ANKFN1: variants seen among roughly 807,000 people sequenced by gnomAD.
The protein encoded by ANKFN1 is ankyrin repeat and fibronectin type III domain containing 1.
ANKFN1 carries 74 observed loss-of-function variants against 108.7 expected under a neutral mutation model. That is an observed-to-expected ratio of 0.68 (90% CI 0.56 to 0.83). The LOEUF (loss-of-function observed/expected upper bound fraction) is 0.83, where lower values mean the gene tolerates loss of function less well. Ranked by LOEUF, ANKFN1 falls within the 40% of genes least tolerant of loss-of-function variation. The pLI, the probability that ANKFN1 is intolerant of heterozygous loss-of-function variation, is 0.00. For synonymous variants in ANKFN1, 547 were observed against 516.2 expected, an observed-to-expected ratio of 1.06 and a Z score of -0.81; for missense variants, 1,505 against 1,382.3, an observed-to-expected ratio of 1.09 and a Z score of -1.41.
intron 8 of ANKFN1, among the ~76,000 whole-genome samples, chr17:56,410,089 ATTG>A (rs1215725495): frequency 6.6e-6 from 1 of 152,092 alleles, no homozygotes; most frequent in African/African-American, 2.4e-5. Flanking sequence ...TTAATTTTAT[ATTG>A]TTGTATTTTT....
chr17:56,182,534 C>A (rs909723030), intron 1 of ANKFN1, among the ~76,000 whole-genome samples: 1 of 152,100 alleles, frequency 6.6e-6, no homozygotes, highest in Non-Finnish European at 1.5e-5. Flanking sequence ...GGAGAGGTGA[C>A]AAAGCTGCAG....
At chr17:56,107,316 G>A (rs1045936457) in intron 4 of ANKFN1, among the ~76,000 whole-genome samples, 4 of 152,050 alleles carry the variant, frequency 2.6e-5, no homozygotes, top group African/African-American at 9.7e-5. Flanking sequence ...TAGCTTGGTG[G>A]TTTTAGATCT....
At chr17:56,139,253 G>A (rs1331892015) in intron 4 of ANKFN1, among the ~76,000 whole-genome samples, 1 of 151,936 alleles carries the variant, frequency 6.6e-6, no homozygotes, top group East Asian at 1.9e-4. Context: ...TGTTCACTAA[G>A]AACAAATCAT....
chr17:56,252,088 T>C (rs1355242359), intron 3 of ANKFN1: 1 of 152,256 alleles, frequency 6.6e-6, no homozygotes, highest in African/African-American at 2.4e-5. Flanking sequence ...GATCATAAGC[T>C]AGCTTCCATT....
intron 4 of ANKFN1, among the ~76,000 whole-genome samples, chr17:56,073,244 G>A (rs1905142614): frequency 6.6e-6 from 1 of 152,056 alleles, no homozygotes; most frequent in South Asian, 2.1e-4. Context: ...CGCCCGCCTC[G>A]GCCTCCCAAA....
chr17:56,457,360 A>G lies in ANKFN1; in HGVS notation c.1411A>G (p.Ile471Val). 1.9e-6 allele frequency: 3 copies of G among 1,599,476 alleles called. No individual in the cohort carries two copies. Among genetic ancestry groups the G allele is most frequent in the Non-Finnish European group, 2.5e-6 (3 of 1,176,674 alleles). ...VEIDDSHTSS[I>V]TQDFLWFTKL... ...AATAGATGACTCTCACACCAGTTCTATTACACAAGATTTTCTGTGGTTCAC... is the reference window on the plus strand; with the variant it reads ...AATAGATGACTCTCACACCAGTTCTGTTACACAAGATTTTCTGTGGTTCAC... The change falls in exon 13 of 21, where the codon ATT (isoleucine) becomes GTT (valine). Residue 471 changes from isoleucine (I) to valine (V), a missense_variant. By Grantham distance (29) the Ile-to-Val change is conservative. Coordinates refer to ENST00000682825, the MANE Select transcript of ANKFN1 (RefSeq NM_001370326.1).
chr17:56,194,154 A>G (rs763639619), intron 1 of ANKFN1, among the ~76,000 whole-genome samples: 35 of 152,124 alleles, frequency 2.3e-4, no homozygotes, highest in Non-Finnish European at 4.3e-4. Context: ...AGCAATAGGA[A>G]CTCTATTCAT....
At chr17:56,257,212 G>A (rs2043379898) in intron 3 of ANKFN1, among the ~76,000 whole-genome samples, 1 of 152,168 alleles carries the variant, frequency 6.6e-6, no homozygotes, top group Non-Finnish European at 1.5e-5. Flanking sequence ...TGATGATAAT[G>A]CAGTGGTACT....
chr17:56,486,530 A>G (rs1222928644), intron 18 of ANKFN1, among the ~76,000 whole-genome samples: 3 of 152,334 alleles, frequency 2.0e-5, no homozygotes, highest in Admixed American at 2.0e-4. Flanking sequence ...TACTTCCTCC[A>G]TCAGGCATCT....
chr17:56,509,240 C>A (rs1336770175), intron 20 of ANKFN1, among the ~76,000 whole-genome samples: 1 of 152,186 alleles, frequency 6.6e-6, no homozygotes, highest in African/African-American at 2.4e-5. Context: ...ATGTCATAAA[C>A]ACAAGATACT....
intron 1 of ANKFN1, among the ~76,000 whole-genome samples, chr17:56,180,803 A>G (rs1027401679): frequency 1.3e-5 from 2 of 152,218 alleles, no homozygotes; most frequent in Middle Eastern, 3.2e-3. Context: ...TTGATTATCT[A>G]TATTTATAGT....
chr17:56,402,535 TCTC>T (rs2047793344), intron 8 of ANKFN1, among the ~76,000 whole-genome samples: 1 of 152,196 alleles, frequency 6.6e-6, no homozygotes, highest in Non-Finnish European at 1.5e-5. Context: ...AGTTGTAATA[TCTC>T]CTGTTTTGTT....
At position 56,280,927 on chromosome 17, in the gene ANKFN1, T is replaced by C. The variant is rs1598347135; in HGVS notation, c.54-45294T>C. Among the ~76,000 whole-genome samples, 5 of 152,168 alleles carry C rather than the reference T, an allele frequency of 3.3e-5. No homozygotes were observed. In the South Asian group the frequency reaches 1.0e-3, roughly 32 times the overall value. ...GGTCTTTCTCATGCTGTTTTCATAA[T>C]AGTGAATAAGTCTCATGAGATCTGA... is the stretch of plus-strand genomic sequence containing the variant. On this transcript the variant is annotated intron_variant, in intron 3 of 20. Coordinates refer to ENST00000682825, the MANE Select transcript of ANKFN1 (RefSeq NM_001370326.1).
intron 4 of ANKFN1, among the ~76,000 whole-genome samples, chr17:56,096,633 A>G (rs2143208806): frequency 6.6e-6 from 1 of 152,352 alleles, no homozygotes; most frequent in Middle Eastern, 3.4e-3. Flanking sequence ...GTTGCAGAGA[A>G]AAGAGAATGT....
chr17:56,178,404 A>G (rs1911372881), intron 1 of ANKFN1, among the ~76,000 whole-genome samples: 2 of 152,236 alleles, frequency 1.3e-5, no homozygotes, highest in Admixed American at 1.3e-4. Context: ...TTGCTGATGT[A>G]AACACATTTT....
chr17:56,451,334 C>G (rs780149970), intron 11 of ANKFN1, among the ~76,000 whole-genome samples: 20 of 151,906 alleles, frequency 1.3e-4, no homozygotes, highest in Non-Finnish European at 2.5e-4. Context: ...CATAATATGC[C>G]AAAATAAATT....
intron 3 of ANKFN1, among the ~76,000 whole-genome samples, chr17:56,304,284 A>G (rs1044700738): frequency 6.6e-6 from 1 of 151,896 alleles, no homozygotes; most frequent in African/African-American, 2.4e-5. Flanking sequence ...GGCTTTTTTC[A>G]CTCAGGATAA....
intron 4 of ANKFN1, among the ~76,000 whole-genome samples, chr17:56,096,375 A>C (rs937809071): frequency 6.6e-6 from 1 of 152,156 alleles, no homozygotes; most frequent in Non-Finnish European, 1.5e-5. Flanking sequence ...CACCCCAAAT[A>C]GTCCTAGAGA....
intron 18 of ANKFN1, among the ~76,000 whole-genome samples, chr17:56,490,755 C>G (rs2145413506): frequency 6.6e-6 from 1 of 152,162 alleles, no homozygotes; most frequent in African/African-American, 2.4e-5. Flanking sequence ...GGATCTGACA[C>G]CACAGAGAAA....
Sources: allele counts gnomAD v4.1 joint callset (sites outside exome capture counted in the v4.1 genomes callset), GRCh38; gene constraint gnomAD v4.1.1; transcripts MANE v1.5; gene names NCBI Gene and HGNC (gene_info 2026-07-23, HGNC 2026-07-21).